The following RUVBL2 variants were observed in gnomAD, a reference collection of about 807,000 sequenced individuals.
RUVBL2 encodes the protein ruvB-like 2.
A neutral mutation model predicts 57.9 loss-of-function variants in RUVBL2; 9 were observed. The observed-to-expected ratio is 0.16, with a 90% confidence interval of 0.09 to 0.27. The LOEUF (loss-of-function observed/expected upper bound fraction) is 0.27. Among genes scored for constraint, RUVBL2 ranks in the 10% least tolerant of loss-of-function variants. The probability of loss-of-function intolerance (pLI) is 1.00; values close to 1 mark genes in which losing one functional copy is unlikely to be tolerated. For synonymous variants in RUVBL2, 278 were observed against 264.6 expected, an observed-to-expected ratio of 1.05 and a Z score of -0.49; for missense variants, 456 against 669.6, an observed-to-expected ratio of 0.68 and a Z score of 3.52.
chr19:49,015,313 T>TA (rs2039523704), intron 13 of RUVBL2, 163 bp downstream of exon 13: 2 of 926,052 alleles, frequency 2.2e-6, no homozygotes, highest in Non-Finnish European at 3.2e-6. Flanking sequence ...TGGCCTATAG[T>TA]AGGTATCAGT....
At chr19:49,003,400 G>A in intron 3 of RUVBL2, 66 bp downstream of exon 3, 1 of 1,420,792 alleles carries the variant, frequency 7.0e-7, no homozygotes, top group Non-Finnish European at 9.9e-7. Flanking sequence ...GGTACCCAGG[G>A]TCCTGGGGAG....
At chr19:48,998,155 G>C (rs768740779) in intron 1 of RUVBL2, among the ~76,000 whole-genome samples, 1 of 152,222 alleles carries the variant, frequency 6.6e-6, no homozygotes, top group Non-Finnish European at 1.5e-5. Context: ...AGAGGTCCTA[G>C]AACTAGCCTG....
rs1460756412 is a variant in RUVBL2, at chr19:49,010,542, C to G, written c.718C>G (p.His240Asp). 1 of 1,584,318 alleles carries G rather than the reference C, an allele frequency of 6.3e-7. No individual in the cohort carries two copies. The highest frequency in any genetic ancestry group is 1.7e-5 in the Admixed American group (1 of 57,956). The change falls in exon 9 of 15, where the codon CAC (histidine) becomes GAC (aspartate). Residue 240 changes from histidine (H) to aspartate (D), a missense_variant. Physicochemically the swap from His to Asp is moderately conservative, Grantham distance 81 (BLOSUM62 -1). This residue lies in a region of RUVBL2 where 233 missense variants were observed against 306.0 expected (regional missense o/e 0.76). Transcript: ENST00000595090. ...GELQKRKEVV[H>D]TVSLHEIDVI... is the part of the protein sequence containing the mutation. Reference sequence around the variant, plus strand: ...GCTCCAGAAACGCAAGGAGGTGGTGCACACCGTGTCCCTGCACGAGATCGA... The same window carrying G: ...GCTCCAGAAACGCAAGGAGGTGGTGGACACCGTGTCCCTGCACGAGATCGA...
chr19:49,009,347 C>A (rs540639042), intron 6 of RUVBL2, among the ~76,000 whole-genome samples: 1 of 148,300 alleles, frequency 6.7e-6, no homozygotes, highest in African/African-American at 2.5e-5. Flanking sequence ...ATTAGCCATG[C>A]GTGGTGGCGG....
chr19:49,014,694 A>G, intron 12 of RUVBL2, 91 bp downstream of exon 12: 6 of 1,524,868 alleles, frequency 3.9e-6, no homozygotes, highest in Non-Finnish European at 5.3e-6. Context: ...GCGGAGTGGC[A>G]TGGTGGCTGG....
intron 9 of RUVBL2, among the ~76,000 whole-genome samples, 187 bp downstream of exon 9, chr19:49,010,798 G>A (rs1175965810): frequency 6.6e-6 from 1 of 152,132 alleles, no homozygotes; most frequent in Non-Finnish European, 1.5e-5. Flanking sequence ...CTGGTGCTGT[G>A]ATGGGTGTGG....
chr19:49,005,354 GCTC>G (rs201695236), intron 4 of RUVBL2, among the ~76,000 whole-genome samples: 3,266 of 152,220 alleles, frequency 0.021, 45 homozygotes, highest in Non-Finnish European at 0.027. Context: ...ACTTCAAAGA[GCTC>G]CTGGTCTGGA....
chr19:49,011,015 C>A lies in RUVBL2; in HGVS notation c.804C>A (p.Ile268=). The part of the protein sequence containing the change: ...LALFSGDTGE[I]KSEVREQINA... ...CTCCCATAGGTGACACAGGGGAGATCAAGTCAGAAGTCCGTGAGCAGATCA... is the reference window on the plus strand; with the variant it reads ...CTCCCATAGGTGACACAGGGGAGATAAAGTCAGAAGTCCGTGAGCAGATCA... Residue 268 remains isoleucine (I), a synonymous_variant, in exon 10 of 15, where the codon ATC becomes ATA. Transcript: ENST00000595090. This position sits in a 1 kb window ranked among gnomAD's most constrained non-coding sequence, Gnocchi z 4.4. 1 of 1,611,374 alleles carries A rather than the reference C, an allele frequency of 6.2e-7. No homozygotes were observed. Among genetic ancestry groups the A allele is most frequent in the South Asian group, 1.1e-5 (1 of 90,432 alleles).
chr19:48,998,427 G>T (rs763471451), intron 1 of RUVBL2, among the ~76,000 whole-genome samples: 3 of 152,122 alleles, frequency 2.0e-5, no homozygotes, highest in Non-Finnish European at 4.4e-5. Flanking sequence ...GGGCACGGTG[G>T]TTCACACCTG....
rs745787933 is a variant in RUVBL2 at position 49,009,805 on chromosome 19, G to A, written c.492G>A (p.Lys164=). 1 of 1,614,020 alleles carries A rather than the reference G, an allele frequency of 6.2e-7. No individual in the cohort carries two copies. Among genetic ancestry groups the A allele is most frequent in the Non-Finnish European group, 8.5e-7 (1 of 1,179,990 alleles). The change falls in exon 7 of 15, where the codon AAG becomes AAA. Residue 164 remains lysine (K), a synonymous_variant. Coordinates refer to ENST00000595090, the MANE Select transcript of RUVBL2 (RefSeq NM_006666.3). ...TGSKVGKLTL[K]TTEMETIYDL... ...CCAAGGTGGGCAAACTGACCCTCAA[G>A]ACCACAGAGATGGAGACCATCTACG...
intron 3 of RUVBL2, 85 bp downstream of exon 3, chr19:49,003,419 C>A: frequency 7.9e-7 from 1 of 1,269,192 alleles, no homozygotes; most frequent in Non-Finnish European, 1.1e-6. Context: ...AGTGTGGGGA[C>A]TATGTTACGG....
intron 2 of RUVBL2, among the ~76,000 whole-genome samples, chr19:49,001,823 G>A (rs111713718): frequency 0.088 from 13,346 of 151,698 alleles, 619 homozygotes; most frequent in African/African-American, 0.11. Context: ...TGTTAGCCAG[G>A]ATGGTGTCTA....
chr19:48,993,690 C>G, upstream of RUVBL2: 1 of 621,414 alleles, frequency 1.6e-6, no homozygotes, highest in Non-Finnish European at 2.9e-6. Flanking sequence ...GGAGGAGGAG[C>G]CAGGAGACAT....
In RUVBL2 at chr19:49,015,843, G is replaced by A; in HGVS notation, c.*1G>A. On this transcript the variant is annotated 3_prime_UTR_variant, in exon 15 of 15. Transcript: ENST00000595090. ...AGGCGAGACCATGGACACCTCCTGA[G>A]TTGGATGTCATCCCCCGACCCCACC... The A allele has an allele frequency of 6.2e-7, 1 of 1,614,192 alleles. No individual in the cohort carries two copies.
chr19:49,015,734 G>A (rs2039536150), intron 14 of RUVBL2, 48 bp downstream of exon 14: 2 of 1,610,486 alleles, frequency 1.2e-6, no homozygotes, highest in Non-Finnish European at 1.7e-6. Context: ...AACCTCAGAG[G>A]GAGGAAGAGG....
chr19:49,012,987 C>T (rs1017007154), intron 11 of RUVBL2, among the ~76,000 whole-genome samples: 3 of 151,596 alleles, frequency 2.0e-5, no homozygotes, highest in East Asian at 1.9e-4. Flanking sequence ...TGTTTTGAGA[C>T]GGAGTCTAGC....
chr19:49,009,626 T>C, intron 6 of RUVBL2, 150 bp from the exon 7 acceptor site: 1 of 687,770 alleles, frequency 1.5e-6, no homozygotes, highest in South Asian at 1.8e-5. Context: ...GCACCGTATG[T>C]CTTCCCTGGA....
At chr19:49,004,838 C>T (rs1236129899) in intron 4 of RUVBL2, among the ~76,000 whole-genome samples, 1 of 152,120 alleles carries the variant, frequency 6.6e-6, no homozygotes, top group East Asian at 1.9e-4. Context: ...AGAATGTAAT[C>T]ATATGATCAC....
chr19:49,004,001 A>G (rs1227725421), intron 3 of RUVBL2, among the ~76,000 whole-genome samples: 2 of 150,988 alleles, frequency 1.3e-5, no homozygotes, highest in Non-Finnish European at 2.9e-5. Flanking sequence ...TTGTGGTCCC[A>G]GCTACTCAAG....
Sources: allele counts gnomAD v4.1 joint callset (sites outside exome capture counted in the v4.1 genomes callset), GRCh38; gene constraint gnomAD v4.1.1; regional missense constraint gnomAD v4.1.1; non-coding constraint Gnocchi (gnomAD v3.1); transcripts MANE v1.5; gene names NCBI Gene and HGNC (gene_info 2026-07-23, HGNC 2026-07-21).